The following NTN4 variants were observed in gnomAD, a reference collection of about 807,000 sequenced individuals.
NTN4 encodes the protein netrin 4, also known as netrin-4.
A neutral mutation model predicts 73.6 loss-of-function variants in NTN4; 32 were observed. The ratio of observed to expected loss-of-function variants is 0.44; its 90% confidence interval spans 0.33 to 0.58. The LOEUF (loss-of-function observed/expected upper bound fraction) is 0.58, where lower values mean the gene tolerates loss of function less well. Among genes scored for constraint, NTN4 ranks in the 20% least tolerant of loss-of-function variants. The pLI, the probability that NTN4 is intolerant of heterozygous loss-of-function variation, is 0.04. For missense variants in NTN4, 654 were observed against 798.3 expected (o/e 0.82, Z 2.18); for synonymous variants, 258 against 287.5 (o/e 0.90, Z 1.04).
chr12:95,661,644 C>G (rs1415343990), intron 9 of NTN4, among the ~76,000 whole-genome samples: 1 of 152,214 alleles, frequency 6.6e-6, no homozygotes, highest in East Asian at 1.9e-4. Context: ...ACACCATGAT[C>G]TCTATAATGG....
intron 3 of NTN4, among the ~76,000 whole-genome samples, chr12:95,729,202 TTTATA>T (rs1270629758): frequency 6.6e-6 from 1 of 151,548 alleles, no homozygotes; most frequent in Admixed American, 6.6e-5. Flanking sequence ...GTGCATAATG[TTTATA>T]TTATATATAA....
chr12:95,661,589 G>A (rs2078138161), intron 9 of NTN4, among the ~76,000 whole-genome samples: 1 of 152,154 alleles, frequency 6.6e-6, no homozygotes, highest in South Asian at 2.1e-4. Flanking sequence ...ACTGATGGGA[G>A]GTTATCCAGG....
At position 95,778,949 on chromosome 12, in the gene NTN4, G is replaced by A. The variant is rs530890959; in HGVS notation, c.585+7990C>T. ...ACTGAATCCAGCAGCACATCAAAAC[G>A]CTTACCCACCATGATCAAGTGAGCT... On this transcript the variant is annotated intron_variant, in intron 2 of 9. Transcript: ENST00000343702. 9.9e-5 allele frequency among the ~76,000 whole-genome samples: 15 copies of A among 152,246 alleles called. No individual in the cohort carries two copies. The South Asian group carries it at 3.1e-3, about 32-fold the overall frequency.
At chr12:95,695,540 T>C (rs1237956353) in intron 5 of NTN4, among the ~76,000 whole-genome samples, 2 of 152,042 alleles carry the variant, frequency 1.3e-5, no homozygotes, top group Admixed American at 1.3e-4. Flanking sequence ...AATTTTTGTA[T>C]TTTCAGTAGA....
intron 5 of NTN4, among the ~76,000 whole-genome samples, chr12:95,707,014 C>G (rs192918200): frequency 1.3e-5 from 2 of 152,170 alleles, no homozygotes; most frequent in Non-Finnish European, 2.9e-5. Context: ...AAGAGCCACA[C>G]TTTGAGAATC....
intron 2 of NTN4, among the ~76,000 whole-genome samples, chr12:95,756,736 T>C (rs2078950015): frequency 6.6e-6 from 1 of 151,980 alleles, no homozygotes. Context: ...CCCCACTCTT[T>C]CTTCCTCTCT....
At chr12:95,751,379 A>G (rs1037075799) in intron 2 of NTN4, among the ~76,000 whole-genome samples, 6 of 152,150 alleles carry the variant, frequency 3.9e-5, no homozygotes, top group African/African-American at 1.4e-4. Flanking sequence ...TCCAGCACAC[A>G]AGAACTTCCA....
intron 5 of NTN4, among the ~76,000 whole-genome samples, chr12:95,702,883 C>T (rs2078496068): frequency 1.8e-5 from 2 of 112,794 alleles, no homozygotes; most frequent in Admixed American, 2.6e-4. Flanking sequence ...GAGACATAGT[C>T]TTGCTCTGGA....
rs148076581 is a variant in NTN4, at chr12:95,739,109, T to C, written c.586-965A>G. Among the ~76,000 whole-genome samples, 437 of 152,366 alleles carry C rather than the reference T, an allele frequency of 2.9e-3. 4 individuals carry two copies. Among genetic ancestry groups the C allele is most frequent in the African/African-American group, 1.0e-2 (415 of 41,596 alleles). ...AAAACTTCATGTAGGCGGTCACGTA[T>C]GTATCCCAGGACAGTGGCTGGCACA... is the stretch of plus-strand genomic sequence containing the variant. On this transcript the variant is annotated intron_variant, in intron 2 of 9. Transcript: ENST00000343702.
At chr12:95,739,971 T>C (rs926315055) in intron 2 of NTN4, 2 of 152,280 alleles carry the variant, frequency 1.3e-5, no homozygotes, top group African/African-American at 2.4e-5. Flanking sequence ...GCTCTTCTGC[T>C]TCCTGAGCCC....
intron 8 of NTN4, among the ~76,000 whole-genome samples, chr12:95,667,979 G>C (rs1482680984): frequency 6.6e-6 from 1 of 152,160 alleles, no homozygotes; most frequent in Non-Finnish European, 1.5e-5. Context: ...TGAGATAAAT[G>C]CATGAAGGAC....
At chr12:95,763,181 T>C (rs1010248038) in intron 2 of NTN4, among the ~76,000 whole-genome samples, 1 of 152,218 alleles carries the variant, frequency 6.6e-6, no homozygotes, top group Non-Finnish European at 1.5e-5. Context: ...AAGATTCCAA[T>C]TGTCCCCTAA....
chr12:95,760,131 G>A (rs2078976480), intron 2 of NTN4, among the ~76,000 whole-genome samples: 1 of 152,112 alleles, frequency 6.6e-6, no homozygotes, highest in Non-Finnish European at 1.5e-5. Flanking sequence ...TCAGCTTTTT[G>A]AAGATTGCTG....
chr12:95,693,650 G>C (rs1290253562), intron 5 of NTN4, among the ~76,000 whole-genome samples: 1 of 149,498 alleles, frequency 6.7e-6, no homozygotes, highest in Admixed American at 6.7e-5. Flanking sequence ...AGAATCGCTT[G>C]AACCTGGGAA....
chr12:95,750,300 G>A (rs908449813), intron 2 of NTN4, among the ~76,000 whole-genome samples: 8 of 151,240 alleles, frequency 5.3e-5, no homozygotes, highest in African/African-American at 9.7e-5. Flanking sequence ...CCTTCTCTCT[G>A]TTTCTCTACT....
At chr12:95,768,385 C>T (rs4762619) in intron 2 of NTN4, among the ~76,000 whole-genome samples, 51,565 of 151,644 alleles carry the variant, frequency 0.34, 9,318 homozygotes, top group East Asian at 0.62. Flanking sequence ...AGTGACTTAA[C>T]TAACTTAAAT....
intron 2 of NTN4, among the ~76,000 whole-genome samples, chr12:95,769,851 G>A (rs1010751685): frequency 1.3e-5 from 2 of 150,852 alleles, no homozygotes; most frequent in Non-Finnish European, 2.9e-5. Flanking sequence ...CCATCTCCTG[G>A]GTTCAAGCGA....
chr12:95,740,575 T>C (rs1392536973), intron 2 of NTN4, among the ~76,000 whole-genome samples: 1 of 152,242 alleles, frequency 6.6e-6, no homozygotes, highest in Non-Finnish European at 1.5e-5. Context: ...ATCTCATTTT[T>C]TAATTAAGAA....
chr12:95,673,170 A>C, intron 7 of NTN4: 1 of 591,078 alleles, frequency 1.7e-6, no homozygotes, highest in South Asian at 1.8e-5. Flanking sequence ...ATCTGTAGGC[A>C]TCTTGAGCTG....
Sources: allele counts gnomAD v4.1 joint callset (sites outside exome capture counted in the v4.1 genomes callset), GRCh38; gene constraint gnomAD v4.1.1; transcripts MANE v1.5; gene names NCBI Gene and HGNC (gene_info 2026-07-23, HGNC 2026-07-21).